The following GPHN variants were observed in gnomAD, a reference collection of about 807,000 sequenced individuals.
GPHN encodes the protein gephyrin.
GPHN carries 17 observed loss-of-function variants against 95.5 expected under a neutral mutation model. The ratio of observed to expected loss-of-function variants is 0.18; its 90% CI spans 0.12 to 0.27. The LOEUF is 0.27. Among genes scored for constraint, GPHN ranks in the 10% least tolerant of loss-of-function variants. The pLI, the probability that GPHN is intolerant of heterozygous loss-of-function variation, is 1.00. For missense variants in GPHN, 660 were observed against 978.1 expected (o/e 0.67, Z 4.34); for synonymous variants, 320 against 322.5 (o/e 0.99, Z 0.08).
intron 16 of GPHN, among the ~76,000 whole-genome samples, 158 bp from the exon 17 acceptor site, chr14:67,122,098 A>G (rs555934668): frequency 6.6e-6 from 1 of 152,226 alleles, no homozygotes; most frequent in South Asian, 2.1e-4. Context: ...TATACTTTCA[A>G]TATTTATTTA....
At chr14:67,583,175 A>G in the GPHN span, among the ~76,000 whole-genome samples, 5 of 152,230 alleles carry the variant, frequency 3.3e-5, no homozygotes, top group African/African-American at 1.2e-4. Flanking sequence ...AAGAGGAAAC[A>G]GTAATAGTTG....
At chr14:67,108,712 G>GGGGT (rs5809330) in intron 13 of GPHN, among the ~76,000 whole-genome samples, 64 of 131,208 alleles carry the variant, frequency 4.9e-4, no homozygotes, top group Non-Finnish European at 7.2e-4. Flanking sequence ...TTCCCTAAGG[G>GGGGT]GTGTGTGTGT....
chr14:66,888,883 T>C (rs567741863), intron 5 of GPHN, among the ~76,000 whole-genome samples: 1 of 152,156 alleles, frequency 6.6e-6, no homozygotes, highest in Middle Eastern at 3.4e-3. Flanking sequence ...AGTGAAAGGA[T>C]AGAAAAAGAT....
the GPHN span, chr14:67,579,664 C>A: frequency 1.1e-4 from 165 of 1,551,712 alleles, no homozygotes; most frequent in Admixed American, 1.1e-4. Flanking sequence ...CTCCACCAGC[C>A]CTAGTGAGCT....
At chr14:66,527,852 C>A (rs534022869) in intron 1 of GPHN, among the ~76,000 whole-genome samples, 3 of 152,170 alleles carry the variant, frequency 2.0e-5, no homozygotes, top group East Asian at 1.9e-4. Flanking sequence ...GATTTCCATT[C>A]TTTTGCATTT....
chr14:67,111,996 A>G (rs1451416222), intron 15 of GPHN, 77 bp downstream of exon 15: 10 of 1,077,596 alleles, frequency 9.3e-6, no homozygotes, highest in South Asian at 7.6e-5. Flanking sequence ...CCTGGCTACT[A>G]TAAATCTGCA....
intron 1 of GPHN, among the ~76,000 whole-genome samples, chr14:66,638,068 G>T (rs2064197716): frequency 6.6e-6 from 1 of 151,958 alleles, no homozygotes; most frequent in South Asian, 2.1e-4. Context: ...TTATAAATCT[G>T]TGATATATTT....
intron 1 of GPHN, among the ~76,000 whole-genome samples, chr14:66,556,099 T>C (rs1486824238): frequency 6.6e-6 from 1 of 152,144 alleles, no homozygotes; most frequent in Non-Finnish European, 1.5e-5. Flanking sequence ...TATTTGTGTA[T>C]CTGAAGATTC....
the GPHN span, chr14:67,387,257 C>T: frequency 1.4e-6 from 2 of 1,466,016 alleles, no homozygotes; most frequent in Non-Finnish European, 1.9e-6. Context: ...AGTCTTAACA[C>T]TCCCATTCTC....
At chr14:67,388,009 G>T in the GPHN span, among the ~76,000 whole-genome samples, 1 of 152,220 alleles carries the variant, frequency 6.6e-6, no homozygotes, top group Admixed American at 6.5e-5. Context: ...TGAGGGGAAA[G>T]ATTATTAACA....
intron 2 of GPHN, among the ~76,000 whole-genome samples, chr14:66,771,549 T>TA (rs781648670): frequency 6.6e-6 from 1 of 152,206 alleles, no homozygotes; most frequent in Non-Finnish European, 1.5e-5. Context: ...ATGCTGGACT[T>TA]ACGGCCAAGG....
the GPHN span, among the ~76,000 whole-genome samples, chr14:67,672,752 C>T: frequency 6.6e-6 from 1 of 152,114 alleles, no homozygotes; most frequent in Non-Finnish European, 1.5e-5. Flanking sequence ...CTGCAGTCTA[C>T]TTTTCAATCA....
the GPHN span, chr14:67,611,196 C>T: frequency 5.3e-5 from 8 of 150,602 alleles, no homozygotes; most frequent in African/African-American, 1.7e-4. Flanking sequence ...GTAATTAATT[C>T]TTTCTTTCTT....
At chr14:67,387,981 G>A in the GPHN span, among the ~76,000 whole-genome samples, 1 of 152,140 alleles carries the variant, frequency 6.6e-6, no homozygotes, top group Non-Finnish European at 1.5e-5. Context: ...GAAGCTTATG[G>A]GCCATCAGCA....
chr14:67,525,901 C>G, the GPHN span, among the ~76,000 whole-genome samples: 2 of 152,206 alleles, frequency 1.3e-5, no homozygotes, highest in African/African-American at 2.4e-5. Context: ...ATTCCAGAAG[C>G]CATCTGAGAG....
At chr14:67,024,897 T>G (rs1223416975) in intron 10 of GPHN, among the ~76,000 whole-genome samples, 1 of 152,172 alleles carries the variant, frequency 6.6e-6, no homozygotes, top group Non-Finnish European at 1.5e-5. Context: ...TTTTCCATTT[T>G]TGTTTTGTAA....
chr14:66,632,927 C>T (rs1350671418), intron 1 of GPHN, among the ~76,000 whole-genome samples: 2 of 152,134 alleles, frequency 1.3e-5, no homozygotes, highest in African/African-American at 4.8e-5. Flanking sequence ...TTAGTGGAAC[C>T]ATCCATTCCA....
At chr14:67,209,229 T>G in the GPHN span, among the ~76,000 whole-genome samples, 1 of 152,204 alleles carries the variant, frequency 6.6e-6, no homozygotes, top group Admixed American at 6.5e-5. Context: ...ATGGAGTGTT[T>G]TATTCTAGTG....
At chr14:67,626,791 A>C in the GPHN span, among the ~76,000 whole-genome samples, 1 of 152,222 alleles carries the variant, frequency 6.6e-6, no homozygotes, top group Non-Finnish European at 1.5e-5. Context: ...TATTCATAGC[A>C]TTATTCATAA....
Sources: allele counts gnomAD v4.1 joint callset (sites outside exome capture counted in the v4.1 genomes callset), GRCh38; gene constraint gnomAD v4.1.1; transcripts MANE v1.5; gene names NCBI Gene and HGNC (gene_info 2026-07-23, HGNC 2026-07-21).